The following TBC1D23 variants were observed in gnomAD, a reference collection of about 807,000 sequenced individuals.
TBC1D23 encodes the protein HCV non-structural protein 4A-transactivated protein 1.
Under a neutral mutation model 91.4 loss-of-function variants are expected in TBC1D23, and 55 were observed. The observed-to-expected ratio is 0.60, with a 90% CI of 0.48 to 0.75. The LOEUF (loss-of-function observed/expected upper bound fraction) is 0.75, where lower values mean the gene tolerates loss of function less well. TBC1D23 is among the 30% of genes least tolerant of loss of function. The pLI, the probability that TBC1D23 is intolerant of heterozygous loss-of-function variation, is 0.00. For synonymous variants in TBC1D23, 289 were observed against 281.0 expected, an observed-to-expected ratio of 1.03 and a Z score of -0.28; for missense variants, 725 against 836.1, an observed-to-expected ratio of 0.87 and a Z score of 1.64.
At chr3:100,287,510 T>A (rs1013471891) in intron 4 of TBC1D23, among the ~76,000 whole-genome samples, 1 of 152,234 alleles carries the variant, frequency 6.6e-6, no homozygotes, top group Non-Finnish European at 1.5e-5. Flanking sequence ...AGTGTATGCC[T>A]CTACTCACTG....
intron 5 of TBC1D23, among the ~76,000 whole-genome samples, chr3:100,294,012 A>G (rs2067816417): frequency 6.6e-6 from 1 of 152,346 alleles, no homozygotes; most frequent in East Asian, 1.9e-4. Context: ...ATAGTTTAGT[A>G]TTAGCTTAGT....
intron 1 of TBC1D23, among the ~76,000 whole-genome samples, chr3:100,273,585 A>G (rs2067619867): frequency 6.6e-6 from 1 of 152,202 alleles, no homozygotes; most frequent in Non-Finnish European, 1.5e-5. Context: ...AAAAAGAACA[A>G]AACTGAAGGC....
At chr3:100,287,855 G>T (rs988465733) in intron 4 of TBC1D23, among the ~76,000 whole-genome samples, 1 of 151,596 alleles carries the variant, frequency 6.6e-6, no homozygotes, top group Non-Finnish European at 1.5e-5. Flanking sequence ...CTGGTCTCAA[G>T]TGATCCTCCC....
At chr3:100,289,425 C>T (rs1214033301) in intron 4 of TBC1D23, among the ~76,000 whole-genome samples, 5 of 151,942 alleles carry the variant, frequency 3.3e-5, no homozygotes, top group African/African-American at 7.3e-5. Flanking sequence ...TCTAAGAGTG[C>T]TGTGTATGTG....
intron 1 of TBC1D23, among the ~76,000 whole-genome samples, chr3:100,265,823 C>T (rs2067552978): frequency 6.6e-6 from 1 of 152,008 alleles, no homozygotes; most frequent in Non-Finnish European, 1.5e-5. Flanking sequence ...AAAGAATCTT[C>T]TATTGTTGTT....
chr3:100,280,669 T>A (rs1325011679), intron 2 of TBC1D23, among the ~76,000 whole-genome samples: 1 of 152,204 alleles, frequency 6.6e-6, no homozygotes, highest in African/African-American at 2.4e-5. Context: ...CATTTTATTA[T>A]AGAAGTTTAA....
chr3:100,295,816 A>G (rs2067834369), intron 7 of TBC1D23, among the ~76,000 whole-genome samples: 1 of 152,086 alleles, frequency 6.6e-6, no homozygotes, highest in Admixed American at 6.5e-5. Context: ...ATAATGATTT[A>G]TTTTTATTTT....
chr3:100,266,294 G>A (rs1017129360), intron 1 of TBC1D23, among the ~76,000 whole-genome samples: 3 of 151,496 alleles, frequency 2.0e-5, no homozygotes, highest in Admixed American at 1.3e-4. Context: ...TTTTGAGACG[G>A]AGTCTCATTC....
In TBC1D23 at chr3:100,283,828, T is replaced by C; in HGVS notation, c.476+17T>C. The C allele has an allele frequency of 6.5e-7, 1 of 1,548,182 alleles. No individual in the cohort carries two copies. Among genetic ancestry groups the C allele is most frequent in the Non-Finnish European group, 8.9e-7 (1 of 1,122,362 alleles). On this transcript the variant is annotated intron_variant, in intron 4 of 18. Coordinates refer to ENST00000394144, the MANE Select transcript of TBC1D23 (RefSeq NM_001199198.3). ...CATTCCCAGGTAAAATATGATTCAG[T>C]TATTGTAGTTTTTAAAAGTGAATAC... is the stretch of plus-strand genomic sequence containing the variant.
At chr3:100,321,386 A>G (rs1287456161) in intron 18 of TBC1D23, among the ~76,000 whole-genome samples, 3 of 152,210 alleles carry the variant, frequency 2.0e-5, no homozygotes, top group Non-Finnish European at 4.4e-5. Flanking sequence ...GCCTGGTACA[A>G]GCCCCCCTTT....
At chr3:100,268,882 T>G (rs1196073403) in intron 1 of TBC1D23, among the ~76,000 whole-genome samples, 1 of 152,210 alleles carries the variant, frequency 6.6e-6, no homozygotes, top group Non-Finnish European at 1.5e-5. Context: ...AATTTCCAAT[T>G]TTGTAGTCAA....
At chr3:100,316,078 C>G (rs1576186979) in intron 15 of TBC1D23, 21 bp from the exon 16 acceptor site, 2 of 1,571,858 alleles carry the variant, frequency 1.3e-6, no homozygotes, top group Non-Finnish European at 1.8e-6. Context: ...TTATTTCTCT[C>G]CTAAAATTCT....
intron 1 of TBC1D23, among the ~76,000 whole-genome samples, chr3:100,275,496 C>G (rs1012338904): frequency 6.6e-6 from 1 of 152,070 alleles, no homozygotes; most frequent in Non-Finnish European, 1.5e-5. Flanking sequence ...CCATGTTGCC[C>G]AGGCTGGTCT....
chr3:100,283,872 G>A, intron 4 of TBC1D23, 61 bp downstream of exon 4: 1 of 969,186 alleles, frequency 1.0e-6, no homozygotes, highest in African/African-American at 1.6e-5. Context: ...TTTGCTTTGA[G>A]CTAAAGTTGC....
intron 13 of TBC1D23, among the ~76,000 whole-genome samples, chr3:100,307,179 A>G (rs764329394): frequency 1.3e-5 from 2 of 152,224 alleles, no homozygotes; most frequent in Non-Finnish European, 2.9e-5. Flanking sequence ...TTTGGGTAAT[A>G]GGTCTTTTGT....
At chr3:100,289,762 C>T (rs2067774188) in intron 4 of TBC1D23, among the ~76,000 whole-genome samples, 1 of 152,060 alleles carries the variant, frequency 6.6e-6, no homozygotes, top group Non-Finnish European at 1.5e-5. Flanking sequence ...TTATTTCTAA[C>T]TTTTATTCTA....
intron 12 of TBC1D23, among the ~76,000 whole-genome samples, chr3:100,305,840 G>T (rs763498064): frequency 6.6e-6 from 1 of 152,104 alleles, no homozygotes; most frequent in Non-Finnish European, 1.5e-5. Context: ...TTGGCCCTAG[G>T]CTCAGTGTTA....
Position 100,295,087 on chromosome 3 carries a change from C to T in TBC1D23, c.601C>T (p.Leu201Phe), listed in dbSNP as rs201129118. 56 of 1,579,720 alleles carry T rather than the reference C, an allele frequency of 3.5e-5. No homozygotes were observed. The highest frequency in any genetic ancestry group is 4.7e-5 in the Non-Finnish European group (55 of 1,167,706). ...CTCTCATTTCATTTCCTGATTACAGCTTGGAAGTCTTTTTGCATGTTACTG... is the reference window on the plus strand; with the variant it reads ...CTCTCATTTCATTTCCTGATTACAGTTTGGAAGTCTTTTTGCATGTTACTG... ...ITPDSYALNW[L>F]GSLFACYCST... Residue 201 changes from leucine (L) to phenylalanine (F), a missense_variant and splice_region_variant, in exon 6 of 19, where the codon CTT becomes TTT. By Grantham distance (22) the Leu-to-Phe change is conservative. Coordinates refer to ENST00000394144, the MANE Select transcript of TBC1D23 (RefSeq NM_001199198.3).
intron 1 of TBC1D23, among the ~76,000 whole-genome samples, chr3:100,262,454 G>GT (rs1270865756): frequency 2.6e-5 from 4 of 152,138 alleles, no homozygotes; most frequent in Non-Finnish European, 5.9e-5. Context: ...GCTGGGCGCG[G>GT]TGGCTCACGC....
Sources: allele counts gnomAD v4.1 joint callset (sites outside exome capture counted in the v4.1 genomes callset), GRCh38; gene constraint gnomAD v4.1.1; transcripts MANE v1.5; gene names NCBI Gene and HGNC (gene_info 2026-07-23, HGNC 2026-07-21).